NECAB2: variants seen among roughly 807,000 people sequenced by gnomAD.
NECAB2 encodes N-terminal EF-hand calcium binding protein 2.
In NECAB2, 68 loss-of-function variants were observed where a neutral mutation model predicts 51.9. The ratio of observed to expected loss-of-function variants is 1.31; its 90% CI spans 1.08 to 1.60. The LOEUF (loss-of-function observed/expected upper bound fraction) is 1.60. NECAB2 is among the 40% of genes most tolerant of loss of function. The probability of loss-of-function intolerance (pLI) is 0.00; values close to 1 mark genes in which losing one functional copy is unlikely to be tolerated. For synonymous variants in NECAB2, 329 were observed against 203.5 expected (o/e 1.62, Z -5.25); for missense variants, 854 against 490.3 (o/e 1.74, Z -7.00).
At chr16:84,002,276 A>C (rs1056812660) in intron 12 of NECAB2, 42 bp from the exon 13 acceptor site, 2 of 1,611,116 alleles carry the variant, frequency 1.2e-6, no homozygotes, top group Non-Finnish European at 8.5e-7. Flanking sequence ...GAGGCTGCCC[A>C]CATTCGCACT....
chr16:83,973,802 C>G (rs1456204295), intron 2 of NECAB2, among the ~76,000 whole-genome samples: 1 of 152,068 alleles, frequency 6.6e-6, no homozygotes, highest in Non-Finnish European at 1.5e-5. Context: ...CTGTGCGTAT[C>G]TCGGTGACTC....
rs1266273571 is a variant in NECAB2 at position 83,994,293 on chromosome 16, A to C, written c.597-9A>C. ...CCATGGTCTGTGTGTGTTCCCATCCAAACTGCAGACAGAACCACATCAAAC... is the reference window on the plus strand; with the variant it reads ...CCATGGTCTGTGTGTGTTCCCATCCCAACTGCAGACAGAACCACATCAAAC... On this transcript the variant is annotated splice_polypyrimidine_tract_variant and intron_variant, in intron 6 of 12. Transcript: ENST00000305202. The C allele has an allele frequency of 6.2e-7, 1 of 1,614,032 alleles. No individual in the cohort carries two copies. The highest frequency in any genetic ancestry group is 8.5e-7 in the Non-Finnish European group (1 of 1,179,868).
At chr16:83,992,765 A>G (rs1300011289) in intron 6 of NECAB2, among the ~76,000 whole-genome samples, 2 of 152,216 alleles carry the variant, frequency 1.3e-5, no homozygotes, top group African/African-American at 4.8e-5. Flanking sequence ...CTCACTGGCT[A>G]GAATCCCTGG....
intron 10 of NECAB2, 149 bp downstream of exon 10, chr16:83,998,466 T>G: frequency 2.7e-6 from 2 of 732,144 alleles, no homozygotes; most frequent in Non-Finnish European, 4.4e-6. Context: ...TGGGTTCAGG[T>G]CTCTACTGAG....
chr16:84,001,369 C>A (rs931801737), intron 11 of NECAB2, among the ~76,000 whole-genome samples: 1 of 152,082 alleles, frequency 6.6e-6, no homozygotes, highest in East Asian at 1.9e-4. Flanking sequence ...CTCCTGCTTC[C>A]CTGGTAAACA....
Position 83,990,535 on chromosome 16 carries a change from C to T in NECAB2, c.501C>T (p.Arg167=), listed in dbSNP as rs755827646. ...GGSNVDQFVT[R]FLLKETANQI... ...GCAACGTGGACCAGTTTGTGACCCGCTTCCTCCTGAAGGAGACGGCCAATC... is the reference window on the plus strand; with the variant it reads ...GCAACGTGGACCAGTTTGTGACCCGTTTCCTCCTGAAGGAGACGGCCAATC... The change falls in exon 6 of 13, where the codon CGC becomes CGT. Residue 167 remains arginine (R), a synonymous_variant. Transcript: ENST00000305202. 8.7e-6 allele frequency: 14 copies of T among 1,614,046 alleles called. No individual in the cohort carries two copies. The highest frequency in any genetic ancestry group is 1.1e-5 in the Non-Finnish European group (13 of 1,180,046).
At chr16:83,991,725 T>G (rs892022605) in intron 6 of NECAB2, among the ~76,000 whole-genome samples, 1 of 151,792 alleles carries the variant, frequency 6.6e-6, no homozygotes, top group South Asian at 2.1e-4. Flanking sequence ...TGTGGCTCAC[T>G]GCAATCTCCA....
chr16:83,994,277 G>C lies in NECAB2; in HGVS notation c.597-25G>C, dbSNP rs138349930. On this transcript the variant is annotated intron_variant, in intron 6 of 12. Transcript: ENST00000305202. ...GGCCCTGAAGCCACCGCCATGGTCT[G>C]TGTGTGTTCCCATCCAAACTGCAGA... The C allele has an allele frequency of 3.1e-6, 5 of 1,609,978 alleles. No homozygotes were observed. In the African/African-American group the frequency reaches 4.0e-5, roughly 13 times the overall value.
chr16:83,997,416 A>T, intron 9 of NECAB2, 147 bp downstream of exon 9: 2 of 820,502 alleles, frequency 2.4e-6, no homozygotes, highest in Non-Finnish European at 3.6e-6. Context: ...TGGCACCCAG[A>T]CCCTGCCCTG....
chr16:83,988,947 A>T (rs918998114), intron 5 of NECAB2, among the ~76,000 whole-genome samples: 3 of 152,122 alleles, frequency 2.0e-5, no homozygotes, highest in African/African-American at 7.2e-5. Context: ...TGTGGAGGAG[A>T]AATCAGGAAA....
chr16:83,991,395 C>G lies in NECAB2; in HGVS notation c.596+765C>G, dbSNP rs1387239297. On this transcript the variant is annotated intron_variant, in intron 6 of 12. Transcript: ENST00000305202. ...TTTTTTTTTTTTTTTGAGATCGAGT[C>G]TTGCTCTGTCACCCAGGCTGGAGTG... Among the ~76,000 whole-genome samples, 5 of 110,142 alleles carry G rather than the reference C, an allele frequency of 4.5e-5. No individual in the cohort carries two copies. In the South Asian group the frequency reaches 1.4e-3, roughly 31 times the overall value. 72.3% of individuals were successfully genotyped at this position (110,142 alleles called of 152,430 possible).
In NECAB2 at chr16:83,992,855, A is replaced by G. The variant is rs114230163; in HGVS notation, c.597-1447A>G. ...AGAATTAGCAGCCATCGCTGTGAAA[A>G]AAGCTGACACTTAGATTTCCTGGGT... On this transcript the variant is annotated intron_variant, in intron 6 of 12. Coordinates refer to ENST00000305202, the MANE Select transcript of NECAB2 (RefSeq NM_019065.3). Among the ~76,000 whole-genome samples the G allele has an allele frequency of 2.9e-3, 443 of 152,294 alleles. 2 individuals carry two copies. Among genetic ancestry groups the G allele is most frequent in the African/African-American group, 0.01 (421 of 41,552 alleles).
intron 5 of NECAB2, among the ~76,000 whole-genome samples, chr16:83,987,154 A>G (rs1467826486): frequency 2.0e-5 from 3 of 152,242 alleles, no homozygotes; most frequent in Non-Finnish European, 4.4e-5. Flanking sequence ...TGAATAAGGA[A>G]AGACTTAGAT....
chr16:83,969,249 C>T (rs1229544400), intron 1 of NECAB2, among the ~76,000 whole-genome samples: 1 of 152,068 alleles, frequency 6.6e-6, no homozygotes, highest in Non-Finnish European at 1.5e-5. Flanking sequence ...GGATCCTGTC[C>T]GGAGCGATAC....
Position 83,978,432 on chromosome 16 carries a change from C to T in NECAB2, c.227-12C>T, listed in dbSNP as rs1244647599. On this transcript the variant is annotated splice_polypyrimidine_tract_variant and intron_variant, in intron 2 of 12. Coordinates refer to ENST00000305202, the MANE Select transcript of NECAB2 (RefSeq NM_019065.3). ...CAGACACCAGCTCCTTTCTCTGCTTCCTTCCTTGCAGATGATGGGAAGCTG... is the reference window on the plus strand; with the variant it reads ...CAGACACCAGCTCCTTTCTCTGCTTTCTTCCTTGCAGATGATGGGAAGCTG... 11 of 1,610,800 alleles carry T rather than the reference C, an allele frequency of 6.8e-6. No individual in the cohort carries two copies. The highest frequency in any genetic ancestry group is 2.2e-5 in the South Asian group (2 of 91,004).
At chr16:83,969,943 C>T (rs898715727) in intron 1 of NECAB2, among the ~76,000 whole-genome samples, 28 of 152,160 alleles carry the variant, frequency 1.8e-4, no homozygotes, top group African/African-American at 4.6e-4. Flanking sequence ...CTGGGAGGGC[C>T]GGCCAGAGCA....
chr16:83,970,272 C>T (rs1490197831), intron 1 of NECAB2, among the ~76,000 whole-genome samples: 1 of 152,166 alleles, frequency 6.6e-6, no homozygotes, highest in African/African-American at 2.4e-5. Context: ...TCAGCCCTGC[C>T]ATGTCACTCA....
chr16:83,999,093 C>T (rs982284134), intron 10 of NECAB2, among the ~76,000 whole-genome samples: 2 of 152,198 alleles, frequency 1.3e-5, no homozygotes, highest in Non-Finnish European at 2.9e-5. Flanking sequence ...ACCAGGCAGG[C>T]CAGGTCCTAG....
chr16:83,971,382 T>A (rs1246772774), intron 1 of NECAB2: 1 of 151,964 alleles, frequency 6.6e-6, no homozygotes, highest in Non-Finnish European at 1.5e-5. Flanking sequence ...CAGGCGATGG[T>A]GTTGGAAGGG....
Sources: gnomAD v4.1 joint callset for allele counts (sites outside exome capture counted in the v4.1 genomes callset) on GRCh38, gnomAD v4.1.1 for gene constraint, MANE v1.5 for transcripts, NCBI Gene and HGNC (gene_info 2026-07-23, HGNC 2026-07-21) for gene names.